Variants in FOXP1 observed in about 807,000 individuals in gnomAD.
FOXP1 encodes the protein forkhead box protein P1.
Under a neutral mutation model 98.2 loss-of-function variants are expected in FOXP1, and 15 were observed. That is an observed-to-expected ratio of 0.15 (90% CI 0.10 to 0.24). The LOEUF (loss-of-function observed/expected upper bound fraction) is 0.24, where lower values mean the gene tolerates loss of function less well. Among genes scored for constraint, FOXP1 ranks in the 10% least tolerant of loss-of-function variants. FOXP1 has a pLI of 1.00. For synonymous variants in FOXP1, 371 were observed against 314.5 expected, an observed-to-expected ratio of 1.18 and a Z score of -1.90; for missense variants, 633 against 848.5, an observed-to-expected ratio of 0.75 and a Z score of 3.15.
intron 2 of FOXP1, among the ~76,000 whole-genome samples, chr3:71,576,801 T>C (rs1373174113): frequency 6.6e-6 from 1 of 152,184 alleles, no homozygotes; most frequent in Non-Finnish European, 1.5e-5. Flanking sequence ...GGGAGGGTCA[T>C]GAGGAAACAC....
chr3:71,338,263 A>G (rs908141739), intron 4 of FOXP1, among the ~76,000 whole-genome samples: 1 of 152,252 alleles, frequency 6.6e-6, no homozygotes, highest in Non-Finnish European at 1.5e-5. Context: ...GAGAACAAAT[A>G]GGTACAAAGG....
At chr3:71,517,246 T>C (rs1044495324) in intron 2 of FOXP1, among the ~76,000 whole-genome samples, 4 of 151,738 alleles carry the variant, frequency 2.6e-5, no homozygotes, top group Admixed American at 6.6e-5. Context: ...TGACAACACA[T>C]CTGCAAGTCC....
intron 11 of FOXP1, among the ~76,000 whole-genome samples, chr3:71,029,249 C>G (rs909185261): frequency 2.6e-5 from 4 of 152,164 alleles, no homozygotes; most frequent in African/African-American, 9.7e-5. Context: ...ATATGCCAGG[C>G]TGGCTTGTGC....
intron 3 of FOXP1, among the ~76,000 whole-genome samples, chr3:71,415,183 C>T (rs929389684): frequency 3.9e-5 from 6 of 152,136 alleles, no homozygotes; most frequent in South Asian, 2.1e-4. Flanking sequence ...GAAATTCATT[C>T]GACACGTGTC....
rs142870934 is a variant in FOXP1, at chr3:71,534,290, G to C, written c.-297-40735C>G. Among the ~76,000 whole-genome samples the C allele has an allele frequency of 1.1e-3, 168 of 152,306 alleles. 1 individual carries two copies. Among genetic ancestry groups the C allele is most frequent in the African/African-American group, 3.7e-3 (155 of 41,550 alleles). The stretch of plus-strand genomic sequence containing the variant: ...AGGCAGGAGAATCGCTTGGACCTGG[G>C]GGGGTGGAGGTTGCAGTGAGTGGAG... On this transcript the variant is annotated intron_variant, in intron 2 of 20. Coordinates refer to ENST00000649528, the MANE Select transcript of FOXP1 (RefSeq NM_001349338.3).
chr3:71,005,568 T>C (rs1350623069), intron 12 of FOXP1, among the ~76,000 whole-genome samples: 2 of 152,038 alleles, frequency 1.3e-5, no homozygotes, highest in African/African-American at 2.4e-5. Flanking sequence ...AGACACATCA[T>C]GGATGGAAAA....
chr3:71,555,968 T>A lies in FOXP1; in HGVS notation c.-298+25581A>T, dbSNP rs148062362. On this transcript the variant is annotated intron_variant, in intron 2 of 20. Transcript: ENST00000649528. The stretch of plus-strand genomic sequence containing the variant: ...AGAGAAGGAAGAAAAGGAAAAAAAA[T>A]TAAACAATTATAAGAAAATAAATGG... 3.9e-3 allele frequency among the ~76,000 whole-genome samples: 592 copies of A among 151,476 alleles called. 3 individuals carry two copies. The highest frequency in any genetic ancestry group is 0.013 in the African/African-American group (542 of 41,298).
intron 5 of FOXP1, among the ~76,000 whole-genome samples, chr3:71,228,247 T>C (rs926357305): frequency 6.6e-6 from 1 of 152,106 alleles, no homozygotes; most frequent in Middle Eastern, 3.4e-3. Flanking sequence ...GGTACCTAAG[T>C]GGAGAACTTA....
At chr3:71,307,776 T>G (rs1294772860) in intron 4 of FOXP1, among the ~76,000 whole-genome samples, 1 of 152,232 alleles carries the variant, frequency 6.6e-6, no homozygotes. Context: ...TTGAGCAAGC[T>G]AATGGAAGTG....
intron 3 of FOXP1, among the ~76,000 whole-genome samples, chr3:71,383,992 C>T (rs1015411156): frequency 3.3e-5 from 5 of 152,032 alleles, no homozygotes; most frequent in East Asian, 1.9e-4. Context: ...CTGAGGTGGG[C>T]GGATCACCTG....
chr3:71,387,565 A>C (rs552475366), intron 3 of FOXP1, among the ~76,000 whole-genome samples: 6 of 152,342 alleles, frequency 3.9e-5, no homozygotes, highest in African/African-American at 1.4e-4. Flanking sequence ...TGAATGACTT[A>C]ATATTGTCTG....
At chr3:71,527,371 T>C (rs1340678348) in intron 2 of FOXP1, among the ~76,000 whole-genome samples, 1 of 152,200 alleles carries the variant, frequency 6.6e-6, no homozygotes, top group East Asian at 1.9e-4. Context: ...ATGCTCACTC[T>C]CTCACCCAGT....
chr3:71,013,719 T>C (rs1257389158), intron 12 of FOXP1, among the ~76,000 whole-genome samples: 1 of 152,170 alleles, frequency 6.6e-6, no homozygotes, highest in African/African-American at 2.4e-5. Flanking sequence ...AGAACAAAGC[T>C]GGAGGCATCA....
intron 3 of FOXP1, among the ~76,000 whole-genome samples, chr3:71,486,786 A>G (rs2090683946): frequency 6.6e-6 from 1 of 152,216 alleles, no homozygotes; most frequent in Non-Finnish European, 1.5e-5. Context: ...ACTTGAACCA[A>G]CTTAACAGAA....
At chr3:71,170,197 C>T (rs1168448405) in intron 6 of FOXP1, among the ~76,000 whole-genome samples, 1 of 152,150 alleles carries the variant, frequency 6.6e-6, no homozygotes, top group Non-Finnish European at 1.5e-5. Context: ...GTTTCTCTTT[C>T]CTATCCCTTT....
At chr3:71,113,712 C>CAAAACAAAATAAAATAAAAT (rs869291499) in intron 6 of FOXP1, among the ~76,000 whole-genome samples, 1 of 102,378 alleles carries the variant, frequency 9.8e-6, no homozygotes, top group African/African-American at 3.8e-5. Flanking sequence ...GCTTCCATCT[C>CAAAACAAAATAAAATAAAAT]AAAATAAAAT....
intron 11 of FOXP1, among the ~76,000 whole-genome samples, chr3:71,021,806 C>T (rs764393308): frequency 6.6e-6 from 1 of 152,164 alleles, no homozygotes; most frequent in Non-Finnish European, 1.5e-5. Context: ...GTGCTTACTG[C>T]TATGTGTGTA....
In FOXP1 at chr3:70,987,993, C is replaced by T. The variant is rs1559650552; in HGVS notation, c.1146+1G>A. On this transcript the variant is annotated splice_donor_variant, in intron 14 of 20. Transcript: ENST00000649528. LOFTEE classifies it high-confidence loss of function. ...TCCCCTTGGTGGGGATCAATACTTACGGGCTGAGGGGCGGCTTTGGGTTCT... is the reference window on the plus strand; with the variant it reads ...TCCCCTTGGTGGGGATCAATACTTATGGGCTGAGGGGCGGCTTTGGGTTCT... 1.2e-6 allele frequency: 2 copies of T among 1,613,784 alleles called. No individual in the cohort carries two copies. The highest frequency in any genetic ancestry group is 1.3e-5 in the African/African-American group (1 of 75,012).
At chr3:70,991,164 G>A (rs2040544148) in intron 13 of FOXP1, among the ~76,000 whole-genome samples, 1 of 151,750 alleles carries the variant, frequency 6.6e-6, no homozygotes, top group Non-Finnish European at 1.5e-5. Context: ...GGAGTTTGCA[G>A]TTGGGCTAAC....
Sources: allele counts gnomAD v4.1 joint callset (sites outside exome capture counted in the v4.1 genomes callset), GRCh38; gene constraint gnomAD v4.1.1; transcripts MANE v1.5; gene names NCBI Gene and HGNC (gene_info 2026-07-23, HGNC 2026-07-21).